The following FNBP1 variants were observed in gnomAD, a reference collection of about 807,000 sequenced individuals.
FNBP1 encodes formin binding protein 1, also known as formin-binding protein 1.
Under a neutral mutation model 90.6 loss-of-function variants are expected in FNBP1, and 26 were observed. That is an observed-to-expected ratio of 0.29 (90% CI 0.21 to 0.40). The LOEUF (loss-of-function observed/expected upper bound fraction) is 0.40, where lower values mean the gene tolerates loss of function less well. Ranked by LOEUF, FNBP1 falls within the 10% of genes least tolerant of loss-of-function variation. FNBP1 has a pLI of 1.00. For synonymous variants in FNBP1, 260 were observed against 265.2 expected, an observed-to-expected ratio of 0.98 and a Z score of 0.19; for missense variants, 635 against 768.0, an observed-to-expected ratio of 0.83 and a Z score of 2.05.
chr9:129,997,520 C>T (rs143985743), intron 1 of FNBP1, among the ~76,000 whole-genome samples: 26 of 152,216 alleles, frequency 1.7e-4, no homozygotes, highest in African/African-American at 4.8e-4. Context: ...ATAGTGTAAA[C>T]GAGACTGAAG....
chr9:129,981,538 T>C (rs779326522), intron 2 of FNBP1, among the ~76,000 whole-genome samples: 4 of 152,156 alleles, frequency 2.6e-5, no homozygotes, highest in Non-Finnish European at 4.4e-5. Context: ...CCTAGAAAAA[T>C]ATGTGATAAT....
chr9:129,996,333 C>A (rs1053506586), intron 1 of FNBP1, among the ~76,000 whole-genome samples: 1 of 151,982 alleles, frequency 6.6e-6, no homozygotes, highest in African/African-American at 2.4e-5. Flanking sequence ...GGAAGCAGAG[C>A]CCAGAAAGGA....
intron 12 of FNBP1, among the ~76,000 whole-genome samples, chr9:129,905,294 G>GTA (rs56217495): frequency 0.32 from 41,865 of 132,310 alleles, 7,371 homozygotes; most frequent in Non-Finnish European, 0.4. Flanking sequence ...GTGTGTGTGT[G>GTA]TATATATATA....
intron 4 of FNBP1, among the ~76,000 whole-genome samples, chr9:129,970,613 G>A (rs1374804189): frequency 2.0e-5 from 3 of 152,178 alleles, no homozygotes; most frequent in East Asian, 1.9e-4. Context: ...CTTTAATTCC[G>A]TTTTAGTAAT....
chr9:129,975,641 C>G (rs2050184168), intron 4 of FNBP1, among the ~76,000 whole-genome samples: 1 of 152,126 alleles, frequency 6.6e-6, no homozygotes, highest in African/African-American at 2.4e-5. Flanking sequence ...GTGGCTCACG[C>G]TTGTAATCCC....
chr9:129,966,782 G>C lies in FNBP1; in HGVS notation c.346-8229C>G, dbSNP rs1425129426. Among the ~76,000 whole-genome samples, 1 of 151,566 alleles carries C rather than the reference G, an allele frequency of 6.6e-6. No individual in the cohort carries two copies. The highest frequency in any genetic ancestry group is 1.9e-4 in the East Asian group (1 of 5,156). On this transcript the variant is annotated intron_variant, in intron 4 of 16. Coordinates refer to ENST00000446176, the MANE Select transcript of FNBP1 (RefSeq NM_015033.3). The surrounding 1 kb of genome is among the most constrained non-coding windows in gnomAD (Gnocchi z 4.3). Reference sequence around the variant, plus strand: ...AACAACAAAAGAAAGGAAGTGACATGGCCTGATCTACATTATTTCAATGTC... The same window carrying C: ...AACAACAAAAGAAAGGAAGTGACATCGCCTGATCTACATTATTTCAATGTC...
intron 6 of FNBP1, among the ~76,000 whole-genome samples, chr9:129,931,833 A>G (rs2042789803): frequency 6.6e-6 from 1 of 151,560 alleles, no homozygotes; most frequent in South Asian, 2.1e-4. Flanking sequence ...CAAAAACAAG[A>G]AAATTAAGAC....
At chr9:130,029,357 G>A (rs1344587575) in intron 1 of FNBP1, among the ~76,000 whole-genome samples, 2 of 152,020 alleles carry the variant, frequency 1.3e-5, no homozygotes, top group Middle Eastern at 3.4e-3. Context: ...CAACCGATCC[G>A]CCCATCTTGG....
At chr9:129,956,238 A>C (rs2046925837) in intron 6 of FNBP1, among the ~76,000 whole-genome samples, 1 of 152,206 alleles carries the variant, frequency 6.6e-6, no homozygotes, top group Admixed American at 6.6e-5. Flanking sequence ...CCTAGTCTTT[A>C]AGCAAGGAAT....
intron 4 of FNBP1, among the ~76,000 whole-genome samples, chr9:129,965,783 AAGG>A (rs1564453466): frequency 3.6e-4 from 28 of 76,826 alleles, no homozygotes; most frequent in African/African-American, 1.4e-3. Context: ...GAAGGGAGGG[AAGG>A]AGGGAGGGAG....
intron 1 of FNBP1, among the ~76,000 whole-genome samples, chr9:130,036,033 T>A (rs2059282414): frequency 6.6e-6 from 1 of 151,826 alleles, no homozygotes; most frequent in South Asian, 2.1e-4. Context: ...AAAAAAAAAG[T>A]TTTTTTAACT....
At chr9:130,035,853 G>A (rs1003709298) in intron 1 of FNBP1, among the ~76,000 whole-genome samples, 26 of 152,184 alleles carry the variant, frequency 1.7e-4, no homozygotes, top group African/African-American at 6.3e-4. Context: ...GGCTGAGGCA[G>A]GAGAATCGCT....
intron 4 of FNBP1, among the ~76,000 whole-genome samples, chr9:129,968,727 G>A (rs1485076124): frequency 1.3e-5 from 2 of 152,190 alleles, no homozygotes; most frequent in African/African-American, 4.8e-5. Context: ...AAGTAATGTG[G>A]AGTCTGTAAG....
intron 2 of FNBP1, among the ~76,000 whole-genome samples, chr9:129,985,269 C>T (rs905542772): frequency 6.7e-5 from 10 of 148,474 alleles, no homozygotes; most frequent in African/African-American, 1.7e-4. Context: ...GTGCGGCTCA[C>T]GTTAGAAACA....
intron 4 of FNBP1, among the ~76,000 whole-genome samples, chr9:129,965,571 C>T (rs1564451901): frequency 2.0e-5 from 3 of 152,068 alleles, no homozygotes; most frequent in African/African-American, 4.8e-5. Flanking sequence ...CCTTGAAATT[C>T]GCATCCCTAG....
At chr9:129,928,665 AAAAAAAAGAAAAAAAG>A (rs1028292353) in intron 7 of FNBP1, among the ~76,000 whole-genome samples, 1 of 151,974 alleles carries the variant, frequency 6.6e-6, no homozygotes, top group African/African-American at 2.4e-5. Context: ...CATCTCAAAA[AAAAAAAAGAAAAAAAG>A]AAAAAAAGAA....
At position 129,890,512 on chromosome 9, in the gene FNBP1, TCACCCGAGGCTCG is replaced by T; in HGVS notation, c.*14_*26del. 1 of 1,580,670 alleles carries T rather than the reference TCACCCGAGGCTCG, an allele frequency of 6.3e-7. No homozygotes were observed. Among genetic ancestry groups the T allele is most frequent in the Non-Finnish European group, 8.6e-7 (1 of 1,163,094 alleles). ...CAGACGGAGGCTCCTCCAGGAAGGC[TCACCCGAGGCTCG>T]CAGGCACTCCCCTCTAGGAATCTAC... On this transcript the variant is annotated 3_prime_UTR_variant, in exon 17 of 17. Coordinates refer to ENST00000446176, the MANE Select transcript of FNBP1 (RefSeq NM_015033.3). This position sits in a 1 kb window ranked among gnomAD's most constrained non-coding sequence, Gnocchi z 5.8.
At chr9:129,940,200 C>A (rs908988620) in intron 6 of FNBP1, among the ~76,000 whole-genome samples, 15 of 152,000 alleles carry the variant, frequency 9.9e-5, no homozygotes, top group Non-Finnish European at 1.0e-4. Context: ...GAATAAGACC[C>A]TCTCTCAAAA....
intron 16 of FNBP1, chr9:129,895,543 C>T (rs577340614): frequency 7.3e-6 from 9 of 1,226,318 alleles, no homozygotes; most frequent in African/African-American, 4.7e-5. Flanking sequence ...CTACAGATAC[C>T]GCCAAAAGAA....
Sources: gnomAD v4.1 joint callset for allele counts (sites outside exome capture counted in the v4.1 genomes callset) on GRCh38, gnomAD v4.1.1 for gene constraint, Gnocchi (gnomAD v3.1) non-coding constraint, MANE v1.5 for transcripts, NCBI Gene and HGNC (gene_info 2026-07-23, HGNC 2026-07-21) for gene names.